Variants in AKAP13 observed in about 807,000 individuals in gnomAD.
AKAP13 encodes the protein A-kinase anchoring protein 13.
A neutral mutation model predicts 264.5 loss-of-function variants in AKAP13; 80 were observed. The observed-to-expected ratio is 0.30, with a 90% confidence interval of 0.25 to 0.36. AKAP13 has a LOEUF of 0.36. Among genes scored for constraint, AKAP13 ranks in the 10% least tolerant of loss-of-function variants. The pLI is 1.00. For synonymous variants in AKAP13, 1,380 were observed against 1,250.2 expected (o/e 1.10, Z -2.19); for missense variants, 3,712 against 3,435.2 (o/e 1.08, Z -2.01).
At chr15:85,488,330 A>G (rs1306933088) in intron 2 of AKAP13, among the ~76,000 whole-genome samples, 2 of 152,222 alleles carry the variant, frequency 1.3e-5, no homozygotes, top group Non-Finnish European at 1.5e-5. Flanking sequence ...ATTTGTTTTG[A>G]AAGTATTTTG....
At chr15:85,625,840 A>G (rs1455649360) in intron 8 of AKAP13, among the ~76,000 whole-genome samples, 3 of 152,238 alleles carry the variant, frequency 2.0e-5, no homozygotes, top group Non-Finnish European at 2.9e-5. Flanking sequence ...TGAGTGAGAA[A>G]GAAATAGTGG....
intron 5 of AKAP13, among the ~76,000 whole-genome samples, chr15:85,572,810 C>G (rs917374616): frequency 6.6e-6 from 1 of 152,166 alleles, no homozygotes; most frequent in Non-Finnish European, 1.5e-5. Flanking sequence ...CTAATGCTCT[C>G]CCTCCCCTAG....
intron 2 of AKAP13, among the ~76,000 whole-genome samples, chr15:85,504,853 C>T (rs112026940): frequency 3.3e-5 from 5 of 152,060 alleles, no homozygotes; most frequent in Non-Finnish European, 7.4e-5. Flanking sequence ...GAGACACTCT[C>T]GCTTGCTCTT....
chr15:85,680,284 C>T (rs1336106120), intron 14 of AKAP13, among the ~76,000 whole-genome samples: 1 of 151,974 alleles, frequency 6.6e-6, no homozygotes, highest in Non-Finnish European at 1.5e-5. Context: ...GTTTTAAAAC[C>T]ACTGATTTAA....
chr15:85,718,755 C>A lies in AKAP13; in HGVS notation c.6002-321C>A. On this transcript the variant is annotated intron_variant, in intron 22 of 36. Transcript: ENST00000394518. This position sits in a 1 kb window ranked among gnomAD's most constrained non-coding sequence, Gnocchi z 4.9. ...TTTCTATAAAAAATACAAAAATCAG[C>A]CAGGCGTGATGGCATGTACCTGCAG... 3.4e-6 allele frequency: 1 copy of A among 291,396 alleles called. No individual in the cohort carries two copies. Among genetic ancestry groups the A allele is most frequent in the African/African-American group, 2.2e-5 (1 of 44,528 alleles). The allele number at this position is 291,396 out of a possible 1,614,324, so 18.1% of individuals were successfully genotyped here. A position where few individuals can be genotyped will look rare whatever the true frequency, so the allele number is the denominator to read the frequency against.
intron 1 of AKAP13, among the ~76,000 whole-genome samples, chr15:85,438,054 A>G (rs546341646): frequency 6.9e-6 from 1 of 145,960 alleles, no homozygotes; most frequent in Non-Finnish European, 1.5e-5. Context: ...ACATGATTGT[A>G]TATCTAGAAA....
At position 85,600,318 on chromosome 15, in the gene AKAP13, T is replaced by TA. The variant is rs5814205; in HGVS notation, c.4161+14514dup. Among the ~76,000 whole-genome samples the TA allele has an allele frequency of 7.9e-3, 1,066 of 134,270 alleles. 9 individuals are homozygous for TA. The highest frequency in any genetic ancestry group is 0.015 in the African/African-American group (528 of 35,856). 88.1% of individuals were successfully genotyped at this position (134,270 alleles called of 152,430 possible). A position where few individuals can be genotyped will look rare whatever the true frequency, so the allele number is the denominator to read the frequency against. On this transcript the variant is annotated intron_variant, in intron 8 of 36. Coordinates refer to ENST00000394518, the MANE Select transcript of AKAP13 (RefSeq NM_007200.5). ...GGGGAAGATGGGAATAGCTTAGATT[T>TA]AAAAAAAAAAAAAAAAAAAGGCTAG... is the stretch of plus-strand genomic sequence containing the variant.
intron 13 of AKAP13, among the ~76,000 whole-genome samples, chr15:85,666,105 T>TTGAA: frequency 6.6e-6 from 1 of 152,364 alleles, no homozygotes; most frequent in African/African-American, 2.4e-5. Flanking sequence ...CGCCACACTG[T>TTGAA]CTTCCACAAT....
intron 8 of AKAP13, among the ~76,000 whole-genome samples, chr15:85,629,667 G>A (rs2081596599): frequency 6.6e-6 from 1 of 150,898 alleles, no homozygotes; most frequent in South Asian, 2.1e-4. Flanking sequence ...CTCTAAAATG[G>A]CAACATGCCT....
intron 1 of AKAP13, among the ~76,000 whole-genome samples, chr15:85,420,233 G>T (rs1254617737): frequency 1.3e-5 from 2 of 151,638 alleles, no homozygotes; most frequent in Non-Finnish European, 2.9e-5. Context: ...GAGCCACCGC[G>T]CCCGGCCTTT....
chr15:85,667,690 G>A (rs910389893), intron 13 of AKAP13, among the ~76,000 whole-genome samples: 13 of 152,178 alleles, frequency 8.5e-5, no homozygotes, highest in Non-Finnish European at 1.5e-4. Context: ...GCCTAAGGCC[G>A]TGTAAGTGGC....
intron 1 of AKAP13, among the ~76,000 whole-genome samples, chr15:85,423,116 A>T (rs899166110): frequency 2.0e-4 from 30 of 152,226 alleles, no homozygotes; most frequent in African/African-American, 6.3e-4. Flanking sequence ...TTTTTGCTGG[A>T]TGGTCTTGCC....
At chr15:85,676,874 C>A (rs770330386) in intron 14 of AKAP13, 1 of 919,520 alleles carries the variant, frequency 1.1e-6, no homozygotes, top group Non-Finnish European at 1.3e-6. Flanking sequence ...CAGCATTTCC[C>A]GGAACCGCAT....
rs1190372622 is a variant in AKAP13, at chr15:85,655,297, G to A, written c.4375-120G>A. On this transcript the variant is annotated intron_variant, in intron 10 of 36. Coordinates refer to ENST00000394518, the MANE Select transcript of AKAP13 (RefSeq NM_007200.5). ...CCTATTAAAAAAACAAGTCTCTGAG[G>A]CCAATTATGATCTTACCTGCCTGGA... 4.7e-6 allele frequency: 6 copies of A among 1,280,236 alleles called. No homozygotes were observed. In the East Asian group the frequency reaches 9.7e-5, roughly 21 times the overall value. 79.3% of individuals were successfully genotyped at this position (1,280,236 alleles called of 1,614,324 possible).
rs146411885 is a variant in AKAP13, at chr15:85,460,394, C to G, written c.-11-25316C>G. 1.2e-3 allele frequency among the ~76,000 whole-genome samples: 186 copies of G among 152,312 alleles called. 3 individuals carry two copies. The East Asian group carries it at 0.031, about 25-fold the overall frequency. On this transcript the variant is annotated intron_variant, in intron 1 of 36. Coordinates refer to ENST00000394518, the MANE Select transcript of AKAP13 (RefSeq NM_007200.5). ...CATTGTAATGCGTTCTTAGAAGATACAGTGGAAGTTCACTGGTGTGACATT... is the reference window on the plus strand; with the variant it reads ...CATTGTAATGCGTTCTTAGAAGATAGAGTGGAAGTTCACTGGTGTGACATT...
intron 2 of AKAP13, among the ~76,000 whole-genome samples, chr15:85,519,335 C>T (rs2076727312): frequency 6.6e-6 from 1 of 152,136 alleles, no homozygotes; most frequent in African/African-American, 2.4e-5. Context: ...AACCCCCACA[C>T]CCGCCCCCAC....
chr15:85,381,157 G>A (rs558279894), intron 1 of AKAP13, among the ~76,000 whole-genome samples: 97 of 152,198 alleles, frequency 6.4e-4, no homozygotes, highest in Non-Finnish European at 1.2e-3. Context: ...CCGAATCCTT[G>A]CCCCGGGTCC....
Position 85,748,103 on chromosome 15 carries a change from T to A in AKAP13, c.*3426T>A, listed in dbSNP as rs1436850059. The A allele has an allele frequency of 6.6e-6, 1 of 152,226 alleles. No homozygotes were observed. The highest frequency in any genetic ancestry group is 6.5e-5 in the Admixed American group (1 of 15,278). The allele number at this position is 152,226 out of a possible 1,614,324, so 9.4% of individuals were successfully genotyped here. ...GAAGTGCTTTCTATTTCATCATTTT[T>A]GTTTCTAGGGCTCTTTTTCTGTAGC... On this transcript the variant is annotated 3_prime_UTR_variant, in exon 37 of 37. Coordinates refer to ENST00000394518, the MANE Select transcript of AKAP13 (RefSeq NM_007200.5).
At chr15:85,493,024 A>G (rs928146191) in intron 2 of AKAP13, among the ~76,000 whole-genome samples, 8 of 152,152 alleles carry the variant, frequency 5.3e-5, no homozygotes, top group Non-Finnish European at 1.0e-4. Context: ...TCTTTTGCAT[A>G]TTGGATTTTC....
Sources: allele counts gnomAD v4.1 joint callset (sites outside exome capture counted in the v4.1 genomes callset), GRCh38; gene constraint gnomAD v4.1.1; non-coding constraint Gnocchi (gnomAD v3.1); transcripts MANE v1.5; gene names NCBI Gene and HGNC (gene_info 2026-07-23, HGNC 2026-07-21).